Variants in MINDY4 observed in about 807,000 individuals in gnomAD.
MINDY4 encodes the protein probable ubiquitin carboxyl-terminal hydrolase MINDY-4.
A neutral mutation model predicts 87.0 loss-of-function variants in MINDY4; 68 were observed. The ratio of observed to expected loss-of-function variants is 0.78; its 90% CI spans 0.64 to 0.96. The LOEUF is 0.96. Ranked by LOEUF, MINDY4 falls within the 40% of genes least tolerant of loss-of-function variation. The pLI, the probability that MINDY4 is intolerant of heterozygous loss-of-function variation, is 0.00. For synonymous variants in MINDY4, 379 were observed against 363.2 expected, an observed-to-expected ratio of 1.04 and a Z score of -0.50; for missense variants, 919 against 928.2, an observed-to-expected ratio of 0.99 and a Z score of 0.13.
intron 5 of MINDY4, among the ~76,000 whole-genome samples, chr7:30,795,335 T>C (rs1787455648): frequency 6.6e-6 from 1 of 152,186 alleles, no homozygotes; most frequent in Admixed American, 6.5e-5. Flanking sequence ...GAGAAGAGTT[T>C]TATCCTCCCT....
chr7:30,862,534 G>A (rs1789797571), intron 13 of MINDY4, among the ~76,000 whole-genome samples: 1 of 152,216 alleles, frequency 6.6e-6, no homozygotes, highest in African/African-American at 2.4e-5. Context: ...GGTTTGCGGT[G>A]ATTCGCAGGG....
intron 12 of MINDY4, among the ~76,000 whole-genome samples, chr7:30,855,828 C>T (rs1021654368): frequency 5.3e-5 from 8 of 152,332 alleles, no homozygotes; most frequent in Non-Finnish European, 1.2e-4. Context: ...TTGGTACAGG[C>T]GGTCAATATT....
intron 14 of MINDY4, among the ~76,000 whole-genome samples, chr7:30,873,605 G>A (rs528905971): frequency 1.3e-5 from 2 of 152,280 alleles, no homozygotes; most frequent in Non-Finnish European, 2.9e-5. Context: ...CGATTCTGCT[G>A]GTCCATGGAC....
At chr7:30,889,372 T>A (rs1266329984) in intron 17 of MINDY4, among the ~76,000 whole-genome samples, 1 of 152,190 alleles carries the variant, frequency 6.6e-6, no homozygotes, top group Non-Finnish European at 1.5e-5. Flanking sequence ...CCCAGCCTGC[T>A]TACCTCCAGA....
At chr7:30,859,055 C>T (rs1159752055) in intron 12 of MINDY4, 7 of 715,160 alleles carry the variant, frequency 9.8e-6, no homozygotes, top group Non-Finnish European at 1.8e-5. Context: ...CACCCTCGCT[C>T]TGCTGTCATT....
At chr7:30,853,335 C>G (rs1584317421) in intron 11 of MINDY4, 59 bp from the exon 12 acceptor site, 1 of 1,427,444 alleles carries the variant, frequency 7.0e-7, no homozygotes, top group Non-Finnish European at 9.8e-7. Flanking sequence ...GAAGCTAATT[C>G]AGGATGGGGC....
chr7:30,852,101 C>T, intron 10 of MINDY4, 115 bp from the exon 11 acceptor site: 2 of 1,216,976 alleles, frequency 1.6e-6, no homozygotes, highest in Non-Finnish European at 2.3e-6. Context: ...TCCATTTTCT[C>T]TCTGGAGCCA....
chr7:30,866,885 C>A (rs1375361368), intron 13 of MINDY4, among the ~76,000 whole-genome samples: 1 of 152,148 alleles, frequency 6.6e-6, no homozygotes, highest in African/African-American at 2.4e-5. Flanking sequence ...TTGCAGGTCC[C>A]TCTTTTTCCG....
intron 13 of MINDY4, among the ~76,000 whole-genome samples, chr7:30,869,837 C>T (rs943156193): frequency 2.0e-5 from 3 of 152,082 alleles, no homozygotes; most frequent in African/African-American, 4.8e-5. Flanking sequence ...GAGGGGAGAC[C>T]GAGGCCACAC....
chr7:30,857,028 A>G (rs1254195763), intron 12 of MINDY4, among the ~76,000 whole-genome samples: 1 of 152,354 alleles, frequency 6.6e-6, no homozygotes, highest in Middle Eastern at 3.4e-3. Flanking sequence ...GGCTGGCCTG[A>G]GATCACAGAA....
intron 12 of MINDY4, among the ~76,000 whole-genome samples, chr7:30,856,731 T>C (rs1247276447): frequency 6.6e-6 from 1 of 150,528 alleles, no homozygotes; most frequent in Non-Finnish European, 1.5e-5. Flanking sequence ...AGATGGAAAT[T>C]TGTGGCAGAT....
chr7:30,814,566 G>A (rs761185622), intron 5 of MINDY4, among the ~76,000 whole-genome samples: 8 of 152,174 alleles, frequency 5.3e-5, no homozygotes, highest in African/African-American at 9.7e-5. Flanking sequence ...CAGGACTTTC[G>A]TGAGAATTAA....
rs1790236506 is a variant in MINDY4, at chr7:30,875,663, A to C, written c.1971+7A>C. 1.9e-6 allele frequency: 3 copies of C among 1,599,294 alleles called. No homozygotes were observed. In the Admixed American group the frequency reaches 5.1e-5, roughly 27 times the overall value. On this transcript the variant is annotated splice_region_variant and intron_variant, in intron 15 of 17. Transcript: ENST00000265299. ...GCATTACAACATGTGCCAGGTACCC[A>C]GATGCTCACGTTCACCACAAGTAGG...
At chr7:30,776,602 A>C (rs1026630391) in intron 1 of MINDY4, among the ~76,000 whole-genome samples, 1 of 152,184 alleles carries the variant, frequency 6.6e-6, no homozygotes, top group African/African-American at 2.4e-5. Flanking sequence ...TAGCAACTGG[A>C]CTTACGGACT....
intron 12 of MINDY4, among the ~76,000 whole-genome samples, chr7:30,856,287 T>C (rs1789567601): frequency 6.6e-6 from 1 of 152,170 alleles, no homozygotes; most frequent in Admixed American, 6.5e-5. Flanking sequence ...GCCTCCCATG[T>C]CTTGGCAGCT....
chr7:30,845,352 A>G (rs1467848578), intron 9 of MINDY4, among the ~76,000 whole-genome samples: 2 of 151,980 alleles, frequency 1.3e-5, no homozygotes, highest in African/African-American at 4.8e-5. Context: ...GTGGGCAGGA[A>G]CCTCTCTCAG....
chr7:30,836,225 A>C (rs1388984454), intron 6 of MINDY4, among the ~76,000 whole-genome samples: 1 of 152,222 alleles, frequency 6.6e-6, no homozygotes, highest in Non-Finnish European at 1.5e-5. Context: ...TTTCTTTCCC[A>C]GTCCTGTCCT....
intron 1 of MINDY4, among the ~76,000 whole-genome samples, 156 bp downstream of exon 1, chr7:30,771,712 C>G (rs1241796933): frequency 6.6e-6 from 1 of 152,272 alleles, no homozygotes; most frequent in African/African-American, 2.4e-5. Context: ...TTTCCCGGGA[C>G]AGGGGAAACT....
At chr7:30,828,647 C>T (rs373222739) in intron 5 of MINDY4, 32 bp from the exon 6 acceptor site, 340 of 1,607,876 alleles carry the variant, frequency 2.1e-4, no homozygotes, top group Non-Finnish European at 2.7e-4. Context: ...CTGTCAGTCT[C>T]CTCTGGTACA....
Sources: gnomAD v4.1 joint callset for allele counts (sites outside exome capture counted in the v4.1 genomes callset) on GRCh38, gnomAD v4.1.1 for gene constraint, MANE v1.5 for transcripts, NCBI Gene and HGNC (gene_info 2026-07-23, HGNC 2026-07-21) for gene names.